Variants in MRS2 observed in about 807,000 individuals in gnomAD.
MRS2 encodes magnesium transporter MRS2 homolog, mitochondrial.
MRS2 carries 40 observed loss-of-function variants against 52.6 expected under a neutral mutation model. The observed-to-expected ratio is 0.76, with a 90% CI of 0.59 to 0.99. MRS2 has a LOEUF of 0.99. Among genes scored for constraint, MRS2 ranks in the 50% least tolerant of loss-of-function variants. MRS2 has a pLI of 0.00. For missense variants in MRS2, 472 were observed against 532.7 expected (o/e 0.89, Z 1.12); for synonymous variants, 193 against 195.9 (o/e 0.98, Z 0.13).
chr6:24,409,316 A>T (rs2127285078), intron 3 of MRS2, 145 bp from the exon 4 acceptor site: 2 of 533,894 alleles, frequency 3.7e-6, no homozygotes, highest in Middle Eastern at 9.9e-4. Context: ...CTAGGTAAAA[A>T]TGGATATTAA....
chr6:24,415,049 G>T lies in MRS2; in HGVS notation c.605G>T (p.Gly202Val). The T allele has an allele frequency of 6.2e-7, 1 of 1,609,544 alleles. No homozygotes were observed. The change falls in exon 6 of 11, where the codon GGG (glycine) becomes GTG (valine). Residue 202 changes from glycine (G) to valine (V), a missense_variant. Transcript: ENST00000378386. ...GTTATCTAGATCAACACCCTTCAGGGGAAACTTAGCATTTTGCAGCCACTG... is the reference window on the plus strand; with the variant it reads ...GTTATCTAGATCAACACCCTTCAGGTGAAACTTAGCATTTTGCAGCCACTG... ...LLQYWINTLQ[G>V]KLSILQPLIL...
In MRS2 at chr6:24,405,254, A is replaced by G. The variant is rs963126264; in HGVS notation, c.264+13A>G. ...AGTATTTACTGTGGTGAGTATGTAC[A>G]GTACATTGGAAATCGTACAGAAAGT... On this transcript the variant is annotated intron_variant, in intron 2 of 10. Coordinates refer to ENST00000378386, the MANE Select transcript of MRS2 (RefSeq NM_020662.4). The G allele has an allele frequency of 2.5e-6, 4 of 1,596,724 alleles. No homozygotes were observed. Among genetic ancestry groups the G allele is most frequent in the African/African-American group, 1.3e-5 (1 of 74,568 alleles).
chr6:24,420,977 T>C (rs562980477), intron 9 of MRS2, among the ~76,000 whole-genome samples: 48 of 152,206 alleles, frequency 3.2e-4, no homozygotes, highest in African/African-American at 1.2e-3. Context: ...ATCTAGATCA[T>C]TGGAAAGTTC....
In MRS2 at chr6:24,424,571, CCA is replaced by C. The variant is rs1479693865; in HGVS notation, c.*880_*881del. The C allele has an allele frequency of 2.0e-5, 3 of 152,164 alleles. No homozygotes were observed. Among genetic ancestry groups the C allele is most frequent in the Non-Finnish European group, 2.9e-5 (2 of 68,034 alleles). The allele number at this position is 152,164 out of a possible 1,614,324, so 9.4% of individuals were successfully genotyped here. A position where few individuals can be genotyped will look rare whatever the true frequency, so the allele number is the denominator to read the frequency against. Reference sequence around the variant, plus strand: ...TTAGAACTGTGATATCTTCTCATTTCCACAGAGATTTGGGTTTAAAACAAATG... The same window carrying C: ...TTAGAACTGTGATATCTTCTCATTTCCAGAGATTTGGGTTTAAAACAAATG... On this transcript the variant is annotated 3_prime_UTR_variant, in exon 11 of 11. Transcript: ENST00000378386.
At chr6:24,412,846 A>G (rs1005041087) in intron 5 of MRS2, among the ~76,000 whole-genome samples, 7 of 152,112 alleles carry the variant, frequency 4.6e-5, no homozygotes, top group African/African-American at 1.7e-4. Context: ...CTGACCCCAC[A>G]AATCTTTCAT....
chr6:24,414,396 T>C (rs1263906821), intron 5 of MRS2, among the ~76,000 whole-genome samples: 34 of 146,730 alleles, frequency 2.3e-4, no homozygotes, highest in South Asian at 6.5e-4. Flanking sequence ...ACAAAGCACA[T>C]CTTGCACCGC....
intron 1 of MRS2, among the ~76,000 whole-genome samples, chr6:24,404,131 G>T (rs1761380717): frequency 6.6e-6 from 1 of 152,186 alleles, no homozygotes; most frequent in African/African-American, 2.4e-5. Flanking sequence ...GCCTCCCAAA[G>T]TAACTCCTCG....
At chr6:24,417,854 A>AC (rs1208490264) in intron 7 of MRS2, among the ~76,000 whole-genome samples, 9 of 152,086 alleles carry the variant, frequency 5.9e-5, no homozygotes, top group Non-Finnish European at 1.3e-4. Context: ...AAGCAGGAGA[A>AC]CAGCTTGAAC....
At chr6:24,419,046 G>A (rs575914962) in intron 9 of MRS2, 7 of 155,904 alleles carry the variant, frequency 4.5e-5, no homozygotes, top group Non-Finnish European at 8.5e-5. Flanking sequence ...GGCCATCCTG[G>A]CTAACCCGGT....
chr6:24,417,956 C>A (rs12663482), intron 7 of MRS2, 128 bp from the exon 8 acceptor site: 142,558 of 464,390 alleles, frequency 0.31, 17,145 homozygotes, highest in East Asian at 0.53. Flanking sequence ...AAAAAAAAGA[C>A]AAGACAAGAC....
chr6:24,416,467 T>A lies in MRS2; in HGVS notation c.790T>A (p.Leu264Met). The change falls in exon 7 of 11, where the codon TTG (leucine) becomes ATG (methionine). Residue 264 changes from leucine to methionine, a missense_variant. Coordinates refer to ENST00000378386, the MANE Select transcript of MRS2 (RefSeq NM_020662.4). ...SILEILDEEE[L>M]LEELCVSKWS... The stretch of plus-strand genomic sequence containing the variant: ...TTTGGAGATCTTGGATGAGGAAGAG[T>A]TGCTAGAAGAGCTCTGTGTATCAAA... The A allele has an allele frequency of 6.2e-7, 1 of 1,605,630 alleles. No individual in the cohort carries two copies. The highest frequency in any genetic ancestry group is 8.5e-7 in the Non-Finnish European group (1 of 1,173,304).
intron 3 of MRS2, among the ~76,000 whole-genome samples, chr6:24,408,910 C>G (rs1306766079): frequency 6.6e-6 from 1 of 152,158 alleles, no homozygotes; most frequent in Admixed American, 6.5e-5. Context: ...GCTGATGGCT[C>G]TCTGTGGACA....
At chr6:24,415,755 C>T (rs1226376997) in intron 6 of MRS2, among the ~76,000 whole-genome samples, 1 of 152,068 alleles carries the variant, frequency 6.6e-6, no homozygotes, top group African/African-American at 2.4e-5. Flanking sequence ...AATTCACAAG[C>T]GATTTATGTT....
At chr6:24,408,225 T>A (rs867922847) in intron 2 of MRS2, among the ~76,000 whole-genome samples, 183 bp from the exon 3 acceptor site, 8 of 152,268 alleles carry the variant, frequency 5.3e-5, no homozygotes, top group African/African-American at 7.2e-5. Flanking sequence ...AAAAGGATTT[T>A]AAAAAAACCC....
intron 3 of MRS2, 100 bp downstream of exon 3, chr6:24,408,544 A>C: frequency 1.2e-6 from 1 of 842,718 alleles, no homozygotes; most frequent in Non-Finnish European, 2.0e-6. Context: ...TTCTTTGCAT[A>C]TACAGGTGTG....
rs141908680 is a variant in MRS2 at position 24,406,590 on chromosome 6, A to G, written c.264+1349A>G. Among the ~76,000 whole-genome samples the G allele has an allele frequency of 6.6e-3, 1,009 of 152,270 alleles. 6 individuals carry two copies. The highest frequency in any genetic ancestry group is 0.011 in the Non-Finnish European group (760 of 68,022). On this transcript the variant is annotated intron_variant, in intron 2 of 10. Transcript: ENST00000378386. ...GGAGTTTTAGACCAGCCTGACCAACATGGTGAAACCCCGTCTCTACTAAAA... is the reference window on the plus strand; with the variant it reads ...GGAGTTTTAGACCAGCCTGACCAACGTGGTGAAACCCCGTCTCTACTAAAA...
At chr6:24,416,270 T>TA (rs889050393) in intron 6 of MRS2, 127 bp from the exon 7 acceptor site, 7 of 476,208 alleles carry the variant, frequency 1.5e-5, no homozygotes, top group African/African-American at 4.1e-5. Context: ...TTTTTTTTTT[T>TA]AAATAAGTCA....
chr6:24,405,929 C>T (rs1287189712), intron 2 of MRS2, among the ~76,000 whole-genome samples: 4 of 151,586 alleles, frequency 2.6e-5, no homozygotes, highest in African/African-American at 9.7e-5. Flanking sequence ...CACAGTGAAA[C>T]CCCATCTCTA....
At chr6:24,421,804 TG>T (rs1223636693) in intron 9 of MRS2, among the ~76,000 whole-genome samples, 1 of 152,238 alleles carries the variant, frequency 6.6e-6, no homozygotes, top group Non-Finnish European at 1.5e-5. Flanking sequence ...ACTCAGATTT[TG>T]CCACTTATCT....
Sources: allele counts gnomAD v4.1 joint callset (sites outside exome capture counted in the v4.1 genomes callset), GRCh38; gene constraint gnomAD v4.1.1; transcripts MANE v1.5; gene names NCBI Gene and HGNC (gene_info 2026-07-23, HGNC 2026-07-21).